Variants in PDAP1 observed in about 807,000 individuals in gnomAD.
The protein encoded by PDAP1 is PDGFA associated protein 1.
PDAP1 carries 13 observed loss-of-function variants against 28.0 expected under a neutral mutation model. The ratio of observed to expected loss-of-function variants is 0.46; its 90% CI spans 0.30 to 0.74. PDAP1 has a LOEUF of 0.74. Ranked by LOEUF, PDAP1 falls within the 30% of genes least tolerant of loss-of-function variation. The probability of loss-of-function intolerance (pLI) is 0.07; values close to 1 mark genes in which losing one functional copy is unlikely to be tolerated. For synonymous variants in PDAP1, 77 were observed against 85.1 expected, an observed-to-expected ratio of 0.91 and a Z score of 0.52; for missense variants, 150 against 230.0, an observed-to-expected ratio of 0.65 and a Z score of 2.25.
intron 1 of PDAP1, chr7:99,406,623 G>A: frequency 1.0e-6 from 1 of 985,228 alleles, no homozygotes; most frequent in Non-Finnish European, 1.2e-6. Flanking sequence ...CAGTTTTAAA[G>A]CAAGGTGGCA....
intron 3 of PDAP1, among the ~76,000 whole-genome samples, chr7:99,402,573 C>CAAAAAAAAA (rs58448407): frequency 1.8e-5 from 1 of 56,680 alleles, no homozygotes; most frequent in Non-Finnish European, 3.9e-5. Flanking sequence ...GACCCTGTCT[C>CAAAAAAAAA]AAAAAAAAAA....
intron 3 of PDAP1, among the ~76,000 whole-genome samples, chr7:99,401,782 C>T (rs1403484375): frequency 2.7e-5 from 4 of 150,926 alleles, no homozygotes; most frequent in African/African-American, 4.9e-5. Context: ...CACTGCACTC[C>T]GCCTCCCGGG....
intron 3 of PDAP1, among the ~76,000 whole-genome samples, chr7:99,401,211 G>A (rs886358951): frequency 3.3e-5 from 5 of 152,052 alleles, no homozygotes; most frequent in East Asian, 1.9e-4. Context: ...TTACCCAACC[G>A]GACCCTCCCT....
At chr7:99,407,313 C>G (rs1190827825) in intron 1 of PDAP1, among the ~76,000 whole-genome samples, 1 of 152,186 alleles carries the variant, frequency 6.6e-6, no homozygotes, top group African/African-American at 2.4e-5. Context: ...AACCTTTACC[C>G]AAAGTATCCA....
chr7:99,398,078 G>A (rs1263941624), intron 4 of PDAP1, 65 bp from the exon 5 acceptor site: 4 of 1,586,492 alleles, frequency 2.5e-6, no homozygotes, highest in East Asian at 2.2e-5. Context: ...CTGGACGGGA[G>A]TCAGAATAAA....
chr7:99,402,447 A>T (rs1794887707), intron 3 of PDAP1, among the ~76,000 whole-genome samples: 1 of 151,208 alleles, frequency 6.6e-6, no homozygotes, highest in South Asian at 2.1e-4. Flanking sequence ...CTCTACAAAA[A>T]ATTTAAAAAT....
chr7:99,403,607 C>G, intron 2 of PDAP1, 102 bp from the exon 3 acceptor site: 1 of 825,536 alleles, frequency 1.2e-6, no homozygotes, highest in East Asian at 2.5e-5. Flanking sequence ...GAAATCAAGC[C>G]TCTGGAAGGC....
rs796245903 is a variant in PDAP1 at position 99,394,904 on chromosome 7, CCTT to C, written c.*1775_*1777del. 26 of 998,068 alleles carry C rather than the reference CCTT, an allele frequency of 2.6e-5. No homozygotes were observed. The African/African-American group carries it at 3.7e-4, about 14-fold the overall frequency. 61.8% of individuals were successfully genotyped at this position (998,068 alleles called of 1,614,324 possible). On this transcript the variant is annotated 3_prime_UTR_variant, in exon 6 of 6. Transcript: ENST00000350498. ...CTGCACTAGAACTCGTGGGAGCAAT[CCTT>C]CTGCCTCAGCCTCCCAAGTAGCTGG...
In PDAP1 at chr7:99,395,249, C is replaced by G. The variant is rs1194423317; in HGVS notation, c.*1433G>C. The G allele has an allele frequency of 6.6e-6, 1 of 151,490 alleles. No homozygotes were observed. The highest frequency in any genetic ancestry group is 1.5e-5 in the Non-Finnish European group (1 of 67,908). 9.4% of individuals were successfully genotyped at this position (151,490 alleles called of 1,614,324 possible). ...ACTGCCACCTCTGCCTTCCTGGGAT[C>G]AAGCGATTCTCCTGCCTCAGCCTCC... On this transcript the variant is annotated 3_prime_UTR_variant, in exon 6 of 6. Coordinates refer to ENST00000350498, the MANE Select transcript of PDAP1 (RefSeq NM_014891.7).
intron 2 of PDAP1, 45 bp from the exon 3 acceptor site, chr7:99,403,550 A>T (rs1794919083): frequency 8.2e-7 from 1 of 1,221,868 alleles, no homozygotes; most frequent in East Asian, 2.3e-5. Context: ...ATGCAAAACA[A>T]ATCCCCAAGA....
intron 3 of PDAP1, among the ~76,000 whole-genome samples, chr7:99,402,441 A>G (rs1412803517): frequency 6.6e-6 from 1 of 151,602 alleles, no homozygotes; most frequent in Non-Finnish European, 1.5e-5. Flanking sequence ...CCCTATCTCT[A>G]CAAAAAATTT....
At chr7:99,407,954 G>A (rs1350142785) in intron 1 of PDAP1, among the ~76,000 whole-genome samples, 1 of 152,170 alleles carries the variant, frequency 6.6e-6, no homozygotes, top group Non-Finnish European at 1.5e-5. Context: ...CCTAGTTGAA[G>A]CCTCCCAACA....
intron 2 of PDAP1, among the ~76,000 whole-genome samples, chr7:99,404,262 G>A (rs1478124304): frequency 1.3e-5 from 2 of 152,082 alleles, no homozygotes; most frequent in Non-Finnish European, 2.9e-5. Flanking sequence ...CTTGATCCAG[G>A]CATCAATCTA....
intron 1 of PDAP1, 92 bp downstream of exon 1, chr7:99,408,444 G>T: frequency 8.5e-7 from 1 of 1,177,730 alleles, no homozygotes; most frequent in Non-Finnish European, 1.1e-6. Context: ...CCTCTGCGCT[G>T]CTCTCAGAGA....
At chr7:99,396,841 G>C (rs1794777218) in intron 5 of PDAP1, 101 bp from the exon 6 acceptor site, 1 of 905,974 alleles carries the variant, frequency 1.1e-6, no homozygotes, top group Non-Finnish European at 1.8e-6. Flanking sequence ...AAAGGCTGCA[G>C]AAAACATTCT....
chr7:99,399,284 G>C (rs1794818492), intron 4 of PDAP1, among the ~76,000 whole-genome samples: 2 of 152,202 alleles, frequency 1.3e-5, no homozygotes, highest in Non-Finnish European at 1.5e-5. Context: ...TCCTAGCTCA[G>C]GAGGGATGTG....
chr7:99,401,978 C>T (rs1191742913), intron 3 of PDAP1, among the ~76,000 whole-genome samples: 1 of 152,020 alleles, frequency 6.6e-6, no homozygotes, highest in East Asian at 1.9e-4. Context: ...CTTTTAAAAG[C>T]ATATCTGGAG....
intron 1 of PDAP1, chr7:99,406,702 C>G (rs747948438): frequency 2.9e-6 from 2 of 681,444 alleles, no homozygotes; most frequent in African/African-American, 2.0e-5. Flanking sequence ...GAAGCTGAGG[C>G]CCACCTGATT....
At position 99,400,323 on chromosome 7, in the gene PDAP1, C is replaced by T. The variant is rs747123234; in HGVS notation, c.315G>A (p.Lys105=). The T allele has an allele frequency of 7.4e-6, 12 of 1,613,790 alleles. No individual in the cohort carries two copies. The South Asian group carries it at 1.2e-4, about 16-fold the overall frequency. The change falls in exon 4 of 6, where the codon AAG becomes AAA. Residue 105 remains lysine, a synonymous_variant. Coordinates refer to ENST00000350498, the MANE Select transcript of PDAP1 (RefSeq NM_014891.7). ...GTTACCGTTCTCTCCTCGAAAGCTC[C>T]TTTGGCCCGTCCAGATCCAGTTGTG... The part of the protein sequence containing the change: ...KVTQLDLDGP[K]ELSRREREEI...
Sources: allele counts gnomAD v4.1 joint callset (sites outside exome capture counted in the v4.1 genomes callset), GRCh38; gene constraint gnomAD v4.1.1; transcripts MANE v1.5; gene names NCBI Gene and HGNC (gene_info 2026-07-23, HGNC 2026-07-21).